PLXNA2: variants seen among roughly 807,000 people sequenced by gnomAD.
PLXNA2 encodes the protein plexin-A2.
Under a neutral mutation model 193.5 loss-of-function variants are expected in PLXNA2, and 91 were observed. The observed-to-expected ratio is 0.47, with a 90% CI of 0.40 to 0.56. The LOEUF is 0.56. Among genes scored for constraint, PLXNA2 ranks in the 20% least tolerant of loss-of-function variants. The pLI is 0.00. For synonymous variants in PLXNA2, 997 were observed against 1,027.3 expected, an observed-to-expected ratio of 0.97 and a Z score of 0.56; for missense variants, 1,995 against 2,503.2, an observed-to-expected ratio of 0.80 and a Z score of 4.33.
intron 2 of PLXNA2, 23 bp downstream of exon 2, chr1:208,216,712 G>C (rs1558249546): frequency 1.3e-6 from 2 of 1,596,902 alleles, no homozygotes; most frequent in Non-Finnish European, 1.7e-6. Context: ...AGCAGGAGCA[G>C]AGCGAGGTGT....
At position 208,042,205 on chromosome 1, in the gene PLXNA2, G is replaced by A. The variant is rs750619774; in HGVS notation, c.4179C>T (p.Gly1393=). 7.4e-6 allele frequency: 12 copies of A among 1,614,124 alleles called. No individual in the cohort carries two copies. The African/African-American group carries it at 9.3e-5, about 13-fold the overall frequency. The change falls in exon 22 of 32, where the codon GGC becomes GGT. Residue 1393 remains glycine, a synonymous_variant. Transcript: ENST00000367033. ...RGNVASLIMT[G]LQGRLEYATD... ...TGGCATATTCCAGGCGGCCCTGCAG[G>A]CCGGTCATGATGAGCGAAGCCACGT...
chr1:208,147,754 T>C (rs936020244), intron 3 of PLXNA2, among the ~76,000 whole-genome samples: 1 of 152,210 alleles, frequency 6.6e-6, no homozygotes, highest in Admixed American at 6.5e-5. Flanking sequence ...AGGGGGCTAA[T>C]AATGGGCAAA....
intron 4 of PLXNA2, among the ~76,000 whole-genome samples, chr1:208,109,586 G>A (rs1310970394): frequency 6.6e-6 from 1 of 152,192 alleles, no homozygotes; most frequent in Non-Finnish European, 1.5e-5. Context: ...AGAGAGGACA[G>A]GTATTGTTAT....
In PLXNA2 at chr1:208,054,054, A is replaced by G. The variant is rs111420506; in HGVS notation, c.2856+367T>C. ...TTTAATTAGGTCCCTCAGGCTATGC[A>G]TCCTCATTAGGCTAGAATTAGACTA... is the stretch of plus-strand genomic sequence containing the variant. On this transcript the variant is annotated intron_variant, in intron 14 of 31. Coordinates refer to ENST00000367033, the MANE Select transcript of PLXNA2 (RefSeq NM_025179.4). 5.5e-3 allele frequency among the ~76,000 whole-genome samples: 844 copies of G among 152,336 alleles called. 17 individuals carry two copies. The highest frequency in any genetic ancestry group is 0.018 in the African/African-American group (758 of 41,570).
intron 1 of PLXNA2, among the ~76,000 whole-genome samples, chr1:208,238,572 G>C (rs956298927): frequency 2.6e-5 from 4 of 152,102 alleles, no homozygotes; most frequent in African/African-American, 9.7e-5. Flanking sequence ...TATCTCCTTA[G>C]ATAAGAAAAG....
intron 29 of PLXNA2, chr1:208,031,298 G>C: frequency 8.1e-7 from 1 of 1,241,110 alleles, no homozygotes; most frequent in Non-Finnish European, 1.0e-6. Context: ...AGAGATCTCA[G>C]AGCCAGGGGA....
intron 3 of PLXNA2, among the ~76,000 whole-genome samples, chr1:208,143,848 G>C (rs188281252): frequency 6.6e-6 from 1 of 152,036 alleles, no homozygotes; most frequent in East Asian, 1.9e-4. Context: ...TCAGATGTGC[G>C]TAAGTCCTGT....
Position 208,051,331 on chromosome 1 carries a change from A to G in PLXNA2, c.3086T>C (p.Val1029Ala), listed in dbSNP as rs1350165363. 1 of 1,613,822 alleles carries G rather than the reference A, an allele frequency of 6.2e-7. No homozygotes were observed. The highest frequency in any genetic ancestry group is 8.5e-7 in the Non-Finnish European group (1 of 1,179,916). The change falls in exon 16 of 32, where the codon GTG becomes GCG. Residue 1029 changes from valine (V) to alanine (A), a missense_variant. This residue lies in a region of PLXNA2 where 1,291 missense variants were observed against 1,673.6 expected (regional missense o/e 0.77). Coordinates refer to ENST00000367033, the MANE Select transcript of PLXNA2 (RefSeq NM_025179.4). ...GTACTCAAACTGCAGGTTGCTATCC[A>G]CATGGGCTCGGTCGACACTCACAGA... ...PVSVSVDRAH[V>A]DSNLQFEYID...
intron 3 of PLXNA2, among the ~76,000 whole-genome samples, chr1:208,184,651 G>A (rs993975029): frequency 2.0e-5 from 3 of 152,080 alleles, no homozygotes; most frequent in African/African-American, 2.4e-5. Context: ...GCCAGATATT[G>A]GGCACACCCA....
In PLXNA2 at chr1:208,038,545, C is replaced by A; in HGVS notation, c.4661-71G>T. ...GCTGTGAGCCAGTGTCTCCCGATTG[C>A]ACCTTCTCTAGGGACCTGGCAACCC... is the stretch of plus-strand genomic sequence containing the variant. On this transcript the variant is annotated intron_variant, in intron 25 of 31. Transcript: ENST00000367033. This position sits in a 1 kb window ranked among gnomAD's most constrained non-coding sequence, Gnocchi z 4.1. 8.4e-7 allele frequency: 1 copy of A among 1,193,904 alleles called. No homozygotes were observed. Among genetic ancestry groups the A allele is most frequent in the Non-Finnish European group, 1.3e-6 (1 of 799,722 alleles). The allele number at this position is 1,193,904 out of a possible 1,614,324, so 74.0% of individuals were successfully genotyped here.
At chr1:208,069,758 G>A (rs901213841) in intron 12 of PLXNA2, among the ~76,000 whole-genome samples, 1 of 152,198 alleles carries the variant, frequency 6.6e-6, no homozygotes, top group African/African-American at 2.4e-5. Context: ...TCTTCCTCTG[G>A]TTATATCTCC....
intron 4 of PLXNA2, among the ~76,000 whole-genome samples, chr1:208,105,400 TG>T (rs1374879122): frequency 6.6e-6 from 1 of 152,230 alleles, no homozygotes; most frequent in African/African-American, 2.4e-5. Flanking sequence ...TCCCAAAGGC[TG>T]GAAGAAAGGA....
intron 3 of PLXNA2, among the ~76,000 whole-genome samples, chr1:208,167,668 C>G (rs763642855): frequency 2.0e-5 from 3 of 152,214 alleles, no homozygotes; most frequent in Non-Finnish European, 2.9e-5. Context: ...TTCACAAGAC[C>G]ACAGGCCAAA....
chr1:208,146,092 G>T lies in PLXNA2; in HGVS notation c.1372-3629C>A, dbSNP rs142676850. Among the ~76,000 whole-genome samples the T allele has an allele frequency of 7.1e-4, 108 of 152,306 alleles. No homozygotes were observed. The Middle Eastern group carries it at 0.01, about 14-fold the overall frequency. ...GGAGAAAAAGGTGGGGCAGGGGCTGGCAGAGAGAAGGCAGCAGATCCCCTG... is the reference window on the plus strand; with the variant it reads ...GGAGAAAAAGGTGGGGCAGGGGCTGTCAGAGAGAAGGCAGCAGATCCCCTG... On this transcript the variant is annotated intron_variant, in intron 3 of 31. Transcript: ENST00000367033.
At chr1:208,105,894 C>G (rs1361543476) in intron 4 of PLXNA2, among the ~76,000 whole-genome samples, 1 of 152,156 alleles carries the variant, frequency 6.6e-6, no homozygotes, top group East Asian at 1.9e-4. Context: ...GCCCGTCTGT[C>G]AAAACACAGC....
In PLXNA2 at chr1:208,027,124, G is replaced by A. The variant is rs1460164033; in HGVS notation, c.*119C>T. ...AGGAGTCCTCCCCTCTCCCCAGGAT[G>A]GGGTCTCAGGGGACAGCAAGCTCTG... On this transcript the variant is annotated 3_prime_UTR_variant, in exon 32 of 32. Coordinates refer to ENST00000367033, the MANE Select transcript of PLXNA2 (RefSeq NM_025179.4). 4.5e-6 allele frequency: 4 copies of A among 895,302 alleles called. No homozygotes were observed. Among genetic ancestry groups the A allele is most frequent in the South Asian group, 3.0e-5 (2 of 66,808 alleles). 55.5% of individuals were successfully genotyped at this position (895,302 alleles called of 1,614,324 possible). A position where few individuals can be genotyped will look rare whatever the true frequency, so the allele number is the denominator to read the frequency against.
chr1:208,073,610 T>C (rs772383317), intron 12 of PLXNA2, among the ~76,000 whole-genome samples: 1 of 152,210 alleles, frequency 6.6e-6, no homozygotes, highest in Admixed American at 6.5e-5. Context: ...CTCACTCTTA[T>C]GGTTTGACTC....
At position 208,028,692 on chromosome 1, in the gene PLXNA2, G is replaced by A; in HGVS notation, c.5438+138C>T. The A allele has an allele frequency of 4.2e-6, 3 of 712,612 alleles. No homozygotes were observed. Among genetic ancestry groups the A allele is most frequent in the Admixed American group, 5.8e-5 (2 of 34,722 alleles). 44.1% of individuals were successfully genotyped at this position (712,612 alleles called of 1,614,324 possible). A position where few individuals can be genotyped will look rare whatever the true frequency, so the allele number is the denominator to read the frequency against. On this transcript the variant is annotated intron_variant, in intron 30 of 31. Transcript: ENST00000367033. The surrounding 1 kb of genome is among the most constrained non-coding windows in gnomAD (Gnocchi z 4.2). The stretch of plus-strand genomic sequence containing the variant: ...AAGCCACCCTTCCTCCCGCAGCAGG[G>A]GGTGTGGCAGGGAGGGGAGTGGGAG...
intron 3 of PLXNA2, among the ~76,000 whole-genome samples, chr1:208,198,431 G>A (rs999569613): frequency 3.9e-5 from 6 of 152,208 alleles, no homozygotes; most frequent in Non-Finnish European, 8.8e-5. Context: ...GCAGCTTTTG[G>A]CCTTGTCAGC....
Sources: allele counts gnomAD v4.1 joint callset (sites outside exome capture counted in the v4.1 genomes callset), GRCh38; gene constraint gnomAD v4.1.1; regional missense constraint gnomAD v4.1.1; non-coding constraint Gnocchi (gnomAD v3.1); transcripts MANE v1.5; gene names NCBI Gene and HGNC (gene_info 2026-07-23, HGNC 2026-07-21).